The following GYPC variants were observed in gnomAD, a reference collection of about 807,000 sequenced individuals.
GYPC encodes glycophorin C (Gerbich blood group), also known as glycophorin-C.
In GYPC, 14 loss-of-function variants were observed where a neutral mutation model predicts 12.6. The observed-to-expected ratio is 1.11, with a 90% CI of 0.74 to 1.74. The LOEUF is 1.74. GYPC is among the 40% of genes most tolerant of loss of function. The pLI is 0.00. For missense variants in GYPC, 225 were observed against 172.1 expected, an observed-to-expected ratio of 1.31 and a Z score of -1.72; for synonymous variants, 78 against 62.1, an observed-to-expected ratio of 1.26 and a Z score of -1.20.
Position 126,696,228 on chromosome 2 carries a change from C to A in GYPC, c.*86C>A. On this transcript the variant is annotated 3_prime_UTR_variant, in exon 4 of 4. Coordinates refer to ENST00000259254, the MANE Select transcript of GYPC (RefSeq NM_002101.5). ...CATCGCCCAGCACCCCTGCTGATAC[C>A]ACCAGACAGAGAGAGAGAGCACTTG... is the stretch of plus-strand genomic sequence containing the variant. 2.1e-6 allele frequency: 2 copies of A among 953,422 alleles called. No homozygotes were observed. Among genetic ancestry groups the A allele is most frequent in the Non-Finnish European group, 3.3e-6 (2 of 598,876 alleles). The allele number at this position is 953,422 out of a possible 1,614,324, so 59.1% of individuals were successfully genotyped here. A position where few individuals can be genotyped will look rare whatever the true frequency, so the allele number is the denominator to read the frequency against.
At chr2:126,682,470 C>T (rs1683175781) in intron 1 of GYPC, among the ~76,000 whole-genome samples, 1 of 152,146 alleles carries the variant, frequency 6.6e-6, no homozygotes, top group African/African-American at 2.4e-5. Context: ...TCCGAGTCCT[C>T]CACTGTGCCC....
intron 1 of GYPC, among the ~76,000 whole-genome samples, chr2:126,659,780 C>CTTTTTT (rs1203132482): frequency 1.5e-5 from 2 of 137,900 alleles, no homozygotes; most frequent in South Asian, 2.3e-4. Context: ...TCTTTCTTTT[C>CTTTTTT]TTTTTTTTTT....
Position 126,694,103 on chromosome 2 carries a change from G to C in GYPC, c.190+156G>C, listed in dbSNP as rs112712087. Among the ~76,000 whole-genome samples the C allele has an allele frequency of 9.4e-3, 1,428 of 152,228 alleles. 35 individuals carry two copies. Among genetic ancestry groups the C allele is most frequent in the African/African-American group, 0.032 (1,327 of 41,528 alleles). ...TTTGAATGTGGAATGGAGGAGTCTA[G>C]CCCTGGGTAAATATATATATACATG... On this transcript the variant is annotated intron_variant, in intron 3 of 3. Coordinates refer to ENST00000259254, the MANE Select transcript of GYPC (RefSeq NM_002101.5).
At chr2:126,665,995 C>T (rs1187573060) in intron 1 of GYPC, among the ~76,000 whole-genome samples, 1 of 152,178 alleles carries the variant, frequency 6.6e-6, no homozygotes, top group Admixed American at 6.5e-5. Flanking sequence ...CCCTTCTGCT[C>T]AGATCGTTAC....
At chr2:126,685,143 C>T (rs371455950) in intron 1 of GYPC, among the ~76,000 whole-genome samples, 1 of 152,286 alleles carries the variant, frequency 6.6e-6, no homozygotes, top group South Asian at 2.1e-4. Context: ...CGCATTTGAC[C>T]TTTCCTACCA....
chr2:126,686,526 G>C, intron 1 of GYPC: 1 of 985,454 alleles, frequency 1.0e-6, no homozygotes, highest in Non-Finnish European at 1.2e-6. Flanking sequence ...TAGTTGGTTC[G>C]TGGTTCCCCA....
intron 2 of GYPC, among the ~76,000 whole-genome samples, chr2:126,691,440 T>G (rs1223521009): frequency 6.6e-6 from 1 of 152,080 alleles, no homozygotes; most frequent in Non-Finnish European, 1.5e-5. Context: ...CCTCTCCCAC[T>G]TCAGTCCTTT....
intron 2 of GYPC, among the ~76,000 whole-genome samples, chr2:126,693,120 T>G (rs987085207): frequency 6.6e-6 from 1 of 152,260 alleles, no homozygotes; most frequent in Non-Finnish European, 1.5e-5. Flanking sequence ...AGGTGGGACC[T>G]AGTGGGAGAT....
At chr2:126,692,724 AC>A (rs932327367) in intron 2 of GYPC, among the ~76,000 whole-genome samples, 1,565 of 152,254 alleles carry the variant, frequency 0.01, 30 homozygotes, top group African/African-American at 0.035. Flanking sequence ...ACACTCAGTA[AC>A]TTGGATAGTG....
Position 126,696,408 on chromosome 2 carries a change from G to A in GYPC, c.*266G>A. On this transcript the variant is annotated 3_prime_UTR_variant, in exon 4 of 4. Transcript: ENST00000259254. The stretch of plus-strand genomic sequence containing the variant: ...CTCCACGGAGGTGGGAGAAAATCTG[G>A]GCACATGGGGCCCCCTGGGCAGTGC... 2.1e-6 allele frequency: 1 copy of A among 474,334 alleles called. No homozygotes were observed. Among genetic ancestry groups the A allele is most frequent in the South Asian group, 2.0e-5 (1 of 49,276 alleles). The allele number at this position is 474,334 out of a possible 1,614,324, so 29.4% of individuals were successfully genotyped here.
At chr2:126,681,989 G>T (rs566338404) in intron 1 of GYPC, among the ~76,000 whole-genome samples, 16 of 152,108 alleles carry the variant, frequency 1.1e-4, no homozygotes, top group African/African-American at 3.6e-4. Flanking sequence ...AGCATGGTGC[G>T]CAGGATTGCA....
chr2:126,673,154 C>A (rs532704147), intron 1 of GYPC, among the ~76,000 whole-genome samples: 1 of 152,252 alleles, frequency 6.6e-6, no homozygotes, highest in Admixed American at 6.5e-5. Flanking sequence ...CCAACCCAAG[C>A]ACAAGGGCTC....
At chr2:126,682,135 G>C (rs1275378348) in intron 1 of GYPC, among the ~76,000 whole-genome samples, 2 of 152,214 alleles carry the variant, frequency 1.3e-5, no homozygotes, top group South Asian at 4.1e-4. Flanking sequence ...TGGGATACAC[G>C]GGCCTTCCTG....
intron 1 of GYPC, among the ~76,000 whole-genome samples, chr2:126,665,993 C>A (rs1268415915): frequency 6.6e-6 from 1 of 152,206 alleles, no homozygotes; most frequent in East Asian, 1.9e-4. Flanking sequence ...TGCCCTTCTG[C>A]TCAGATCGTT....
chr2:126,694,657 A>G (rs1217886248), intron 3 of GYPC, among the ~76,000 whole-genome samples: 1 of 152,188 alleles, frequency 6.6e-6, no homozygotes, highest in Non-Finnish European at 1.5e-5. Context: ...TATTATTAAC[A>G]TTATGCAGAT....
At chr2:126,668,509 A>C (rs150595688) in intron 1 of GYPC, among the ~76,000 whole-genome samples, 26 of 152,328 alleles carry the variant, frequency 1.7e-4, no homozygotes, top group African/African-American at 6.0e-4. Flanking sequence ...AAATGCTCTC[A>C]TTGTGGTTAA....
chr2:126,685,924 T>G, intron 1 of GYPC: 2 of 985,226 alleles, frequency 2.0e-6, no homozygotes, highest in Non-Finnish European at 2.4e-6. Flanking sequence ...GGTGTTCTAG[T>G]CTGAAGCCAT....
chr2:126,674,427 C>T (rs1409737896), intron 1 of GYPC, among the ~76,000 whole-genome samples: 1 of 148,132 alleles, frequency 6.8e-6, no homozygotes, highest in African/African-American at 2.5e-5. Context: ...GGGCTATGGG[C>T]AACAGGAAGG....
intron 2 of GYPC, among the ~76,000 whole-genome samples, chr2:126,692,479 G>A (rs977584625): frequency 6.6e-6 from 1 of 152,192 alleles, no homozygotes; most frequent in Non-Finnish European, 1.5e-5. Context: ...GATTATCTGA[G>A]TGGAAATGAC....
Sources: allele counts gnomAD v4.1 joint callset (sites outside exome capture counted in the v4.1 genomes callset), GRCh38; gene constraint gnomAD v4.1.1; transcripts MANE v1.5; gene names NCBI Gene and HGNC (gene_info 2026-07-23, HGNC 2026-07-21).